GUCY1A2: variants seen among roughly 807,000 people sequenced by gnomAD.
GUCY1A2 encodes the protein guanylate cyclase 1 soluble subunit alpha 2, also known as guanylate cyclase soluble subunit alpha-2.
In GUCY1A2, 27 loss-of-function variants were observed where a neutral mutation model predicts 63.5. The observed-to-expected ratio is 0.43, with a 90% CI of 0.31 to 0.59. GUCY1A2 has a LOEUF of 0.59. GUCY1A2 is among the 20% of genes least tolerant of loss of function. GUCY1A2 has a pLI of 0.11. For synonymous variants in GUCY1A2, 364 were observed against 343.5 expected, an observed-to-expected ratio of 1.06 and a Z score of -0.66; for missense variants, 768 against 913.3, an observed-to-expected ratio of 0.84 and a Z score of 2.05.
rs761502300 is a variant in GUCY1A2, at chr11:106,776,510, T to C, written c.1765A>G (p.Ile589Val). The part of the protein sequence containing the change: ...HRKSLCHAKP[I>V]ALMALKMMEL... The stretch of plus-strand genomic sequence containing the variant: ...ATCATCTTCAAGGCCATCAGAGCAA[T>C]GGGTTTAGCATGGCAGAGGCTTTTT... Residue 589 changes from isoleucine to valine, a missense_variant, in exon 6 of 8, where the codon ATT becomes GTT. Ile to Val is a conservative substitution (Grantham distance 29). Coordinates refer to ENST00000526355, the MANE Select transcript of GUCY1A2 (RefSeq NM_000855.3). 2 of 1,613,708 alleles carry C rather than the reference T, an allele frequency of 1.2e-6. No homozygotes were observed. The highest frequency in any genetic ancestry group is 2.2e-5 in the East Asian group (1 of 44,866).
intron 4 of GUCY1A2, among the ~76,000 whole-genome samples, chr11:106,860,005 G>C (rs569984880): frequency 1.3e-5 from 2 of 152,022 alleles, no homozygotes; most frequent in Middle Eastern, 3.4e-3. Context: ...TAGCACTAAT[G>C]GGAGGAGTTT....
In GUCY1A2 at chr11:106,679,028, A is replaced by G. The variant is rs117946315; in HGVS notation, c.*8521T>C. On this transcript the variant is annotated 3_prime_UTR_variant, in exon 8 of 8. Transcript: ENST00000526355. ...CTCTCATTGCTGAAGAAGTTGACAC[A>G]TTCAGAAAACTTTCAAAAGTCTCTG... 18 of 188,522 alleles carry G rather than the reference A, an allele frequency of 9.5e-5. No individual in the cohort carries two copies. The highest frequency in any genetic ancestry group is 1.7e-4 in the Non-Finnish European group (15 of 89,400). The allele number at this position is 188,522 out of a possible 1,614,324, so 11.7% of individuals were successfully genotyped here. A position where few individuals can be genotyped will look rare whatever the true frequency, so the allele number is the denominator to read the frequency against.
At chr11:106,904,614 C>T (rs1224017267) in intron 4 of GUCY1A2, among the ~76,000 whole-genome samples, 1 of 151,948 alleles carries the variant, frequency 6.6e-6, no homozygotes, top group Non-Finnish European at 1.5e-5. Flanking sequence ...ATCTATCCAT[C>T]TAGTCTCCTA....
rs961291275 is a variant in GUCY1A2, at chr11:106,680,069, A to G, written c.*7480T>C. 10 of 215,462 alleles carry G rather than the reference A, an allele frequency of 4.6e-5. No individual in the cohort carries two copies. The highest frequency in any genetic ancestry group is 2.3e-4 in the African/African-American group (10 of 44,300). The allele number at this position is 215,462 out of a possible 1,614,324, so 13.3% of individuals were successfully genotyped here. A position where few individuals can be genotyped will look rare whatever the true frequency, so the allele number is the denominator to read the frequency against. ...TGTTACGGAAATTGCCTCTCCTTTAAGAGTCTCTACATCTTCCTGAATAAA... is the reference window on the plus strand; with the variant it reads ...TGTTACGGAAATTGCCTCTCCTTTAGGAGTCTCTACATCTTCCTGAATAAA... On this transcript the variant is annotated 3_prime_UTR_variant, in exon 8 of 8. Transcript: ENST00000526355.
intron 5 of GUCY1A2, among the ~76,000 whole-genome samples, chr11:106,796,215 T>C (rs1864757015): frequency 6.6e-6 from 1 of 152,208 alleles, no homozygotes; most frequent in South Asian, 2.1e-4. Flanking sequence ...GCACATGAGA[T>C]GGGTCTCCTG....
intron 4 of GUCY1A2, among the ~76,000 whole-genome samples, chr11:106,855,892 A>ATTTTCTTTTTTT (rs1277246984): frequency 2.3e-4 from 7 of 29,914 alleles, no homozygotes; most frequent in Non-Finnish European, 3.7e-4. Flanking sequence ...GGTCTCTTGT[A>ATTTTCTTTTTTT]TTTTATTTAT....
At chr11:106,837,901 T>C (rs1442872647) in intron 4 of GUCY1A2, among the ~76,000 whole-genome samples, 1 of 151,964 alleles carries the variant, frequency 6.6e-6, no homozygotes, top group Non-Finnish European at 1.5e-5. Flanking sequence ...TTGGTTATTT[T>C]TCCATTTGCA....
intron 4 of GUCY1A2, among the ~76,000 whole-genome samples, chr11:106,869,174 A>G (rs1459267588): frequency 1.3e-5 from 2 of 152,142 alleles, no homozygotes; most frequent in Non-Finnish European, 2.9e-5. Context: ...AACCTAGGCA[A>G]TACCATTCAG....
chr11:106,864,331 G>A (rs573882733), intron 4 of GUCY1A2, among the ~76,000 whole-genome samples: 6 of 151,690 alleles, frequency 4.0e-5, no homozygotes, highest in Non-Finnish European at 8.8e-5. Flanking sequence ...ATAAAAATGG[G>A]GTTTTCTAAA....
chr11:107,015,419 C>T (rs1861806487), intron 1 of GUCY1A2, among the ~76,000 whole-genome samples: 2 of 151,974 alleles, frequency 1.3e-5, no homozygotes, highest in Admixed American at 1.3e-4. Context: ...CTATTTCCTT[C>T]CTCTTATTCT....
chr11:106,854,000 T>A (rs1031713602), intron 4 of GUCY1A2, among the ~76,000 whole-genome samples: 2 of 152,208 alleles, frequency 1.3e-5, no homozygotes, highest in African/African-American at 4.8e-5. Flanking sequence ...GGTCACCAGG[T>A]GGGCTGGTCC....
chr11:106,776,681 G>A (rs1035773619), intron 5 of GUCY1A2, 99 bp from the exon 6 acceptor site: 10 of 1,119,904 alleles, frequency 8.9e-6, no homozygotes, highest in East Asian at 7.1e-5. Context: ...AAAACATGTC[G>A]GCAAAACATC....
At chr11:106,739,590 C>A (rs1202904956) in intron 6 of GUCY1A2, among the ~76,000 whole-genome samples, 1 of 152,192 alleles carries the variant, frequency 6.6e-6, no homozygotes, top group Non-Finnish European at 1.5e-5. Context: ...TGCCTGAATT[C>A]AAACCTGTGG....
At chr11:106,709,387 TATTATATAA>T (rs1862999453) in intron 6 of GUCY1A2, among the ~76,000 whole-genome samples, 1 of 99,746 alleles carries the variant, frequency 1.0e-5, no homozygotes, top group Admixed American at 1.5e-4. Context: ...ATATATTATA[TATTATATAA>T]ATTATATATT....
chr11:106,806,489 C>T (rs1306942152), intron 5 of GUCY1A2, among the ~76,000 whole-genome samples: 1 of 152,156 alleles, frequency 6.6e-6, no homozygotes, highest in Non-Finnish European at 1.5e-5. Flanking sequence ...GCAAAATGTA[C>T]ATGAATTTGC....
chr11:106,795,880 C>G (rs965650185), intron 5 of GUCY1A2, among the ~76,000 whole-genome samples: 1 of 151,974 alleles, frequency 6.6e-6, no homozygotes, highest in Admixed American at 6.6e-5. Flanking sequence ...ATATTAGAAT[C>G]TCATAGAATC....
At chr11:106,993,741 A>G (rs898521419) in intron 1 of GUCY1A2, among the ~76,000 whole-genome samples, 3 of 152,216 alleles carry the variant, frequency 2.0e-5, no homozygotes, top group Non-Finnish European at 4.4e-5. Flanking sequence ...GTCATCTTCA[A>G]GTACAGCACT....
intron 4 of GUCY1A2, among the ~76,000 whole-genome samples, chr11:106,903,587 T>C (rs1353615598): frequency 6.6e-6 from 1 of 152,168 alleles, no homozygotes; most frequent in African/African-American, 2.4e-5. Context: ...TTTAAAATGA[T>C]TTTGCTATCT....
At chr11:106,728,208 A>G (rs1325414021) in intron 6 of GUCY1A2, among the ~76,000 whole-genome samples, 2 of 151,984 alleles carry the variant, frequency 1.3e-5, no homozygotes, top group African/African-American at 2.4e-5. Flanking sequence ...TACCTTAATT[A>G]CCTAACAATT....
Sources: allele counts gnomAD v4.1 joint callset (sites outside exome capture counted in the v4.1 genomes callset), GRCh38; gene constraint gnomAD v4.1.1; transcripts MANE v1.5; gene names NCBI Gene and HGNC (gene_info 2026-07-23, HGNC 2026-07-21).